The following SLC2A10 variants were observed in gnomAD, a reference collection of about 807,000 sequenced individuals.
SLC2A10 encodes solute carrier family 2 member 10.
Under a neutral mutation model 32.1 loss-of-function variants are expected in SLC2A10, and 25 were observed. The observed-to-expected ratio is 0.78, with a 90% CI of 0.57 to 1.09. The LOEUF (loss-of-function observed/expected upper bound fraction) is 1.09, where lower values mean the gene tolerates loss of function less well. Among genes scored for constraint, SLC2A10 ranks in the 50% least tolerant of loss-of-function variants. The pLI is 0.00. For missense variants in SLC2A10, 673 were observed against 686.5 expected, an observed-to-expected ratio of 0.98 and a Z score of 0.22; for synonymous variants, 332 against 309.6, an observed-to-expected ratio of 1.07 and a Z score of -0.76.
chr20:46,722,132 T>TA (rs3091944), intron 1 of SLC2A10, among the ~76,000 whole-genome samples: 48 of 150,340 alleles, frequency 3.2e-4, no homozygotes, highest in Non-Finnish European at 4.3e-4. Context: ...GGTTTCTCTT[T>TA]AAAAAAAAAA....
chr20:46,729,593 C>A, intron 4 of SLC2A10, 105 bp downstream of exon 4: 2 of 1,136,766 alleles, frequency 1.8e-6, no homozygotes, highest in African/African-American at 1.6e-5. Context: ...GCGGGCATTC[C>A]TCCTGTCTTC....
chr20:46,726,239 C>G lies in SLC2A10; in HGVS notation c.1203C>G (p.Pro401=), dbSNP rs368021257. The change falls in exon 2 of 5, where the codon CCC becomes CCG. Residue 401 remains proline (P), a synonymous_variant. Coordinates refer to ENST00000359271, the MANE Select transcript of SLC2A10 (RefSeq NM_030777.4). ...CTGCCCTCCCTGGGCCCCCTCTGCC[C>G]GCTCGGGGGCATGCACTGCTGCGCT... ...LSSALPGPPL[P]ARGHALLRWT... 1 of 1,613,756 alleles carries G rather than the reference C, an allele frequency of 6.2e-7. No individual in the cohort carries two copies. The highest frequency in any genetic ancestry group is 1.7e-5 in the Admixed American group (1 of 60,032).
intron 4 of SLC2A10, 81 bp downstream of exon 4, chr20:46,729,569 C>A (rs2123062912): frequency 1.3e-6 from 2 of 1,514,784 alleles, no homozygotes; most frequent in Non-Finnish European, 9.0e-7. Context: ...AGTCTTTGTG[C>A]TTTCCTTTTG....
chr20:46,731,129 G>C (rs558211978), intron 4 of SLC2A10, among the ~76,000 whole-genome samples: 33 of 152,296 alleles, frequency 2.2e-4, no homozygotes, highest in Admixed American at 1.9e-3. Flanking sequence ...TCCAAATGTC[G>C]GTTGGGGGTC....
At chr20:46,728,671 G>A (rs532729346) in intron 3 of SLC2A10, among the ~76,000 whole-genome samples, 1 of 147,392 alleles carries the variant, frequency 6.8e-6, no homozygotes, top group African/African-American at 2.5e-5. Flanking sequence ...AGGGTGGAGT[G>A]CAGTGGCATG....
Position 46,725,598 on chromosome 20 carries a change from G to A in SLC2A10, c.562G>A (p.Gly188Ser). 1 of 1,614,178 alleles carries A rather than the reference G, an allele frequency of 6.2e-7. No individual in the cohort carries two copies. Among genetic ancestry groups the A allele is most frequent in the Non-Finnish European group, 8.5e-7 (1 of 1,180,022 alleles). Residue 188 changes from glycine to serine, a missense_variant, in exon 2 of 5, where the codon GGT becomes AGT. Transcript: ENST00000359271. ...CCTCAGCCTCCTCTTCCTCCCTGCT[G>A]GTACAGATGAGACTGCAACACACAA... is the stretch of plus-strand genomic sequence containing the variant. ...QSLSLLFLPA[G>S]TDETATHKDL...
rs1457956300 is a variant in SLC2A10 at position 46,729,378 on chromosome 20, C to T, written c.1437C>T (p.Phe479=). Residue 479 remains phenylalanine (F), a synonymous_variant, in exon 4 of 5, where the codon TTC becomes TTT. Coordinates refer to ENST00000359271, the MANE Select transcript of SLC2A10 (RefSeq NM_030777.4). ...LIGTIGLSWT[F]LLYGLTAVLG... The stretch of plus-strand genomic sequence containing the variant: ...GCACCATCGGCTTGTCCTGGACCTT[C>T]CTGCTCTACGGACTGACCGCTGTCC... 1.2e-6 allele frequency: 2 copies of T among 1,613,808 alleles called. No homozygotes were observed. Among genetic ancestry groups the T allele is most frequent in the Non-Finnish European group, 1.7e-6 (2 of 1,180,022 alleles).
In SLC2A10 at chr20:46,721,913, G is replaced by T. The variant is rs569769966; in HGVS notation, c.5-3128G>T. ...GAAGGGGCTCTTCCTCAAAGGAAAA[G>T]ATTCCAGGCAGACAGAAGAAGTAAC... On this transcript the variant is annotated intron_variant, in intron 1 of 4. Coordinates refer to ENST00000359271, the MANE Select transcript of SLC2A10 (RefSeq NM_030777.4). 3.3e-5 allele frequency among the ~76,000 whole-genome samples: 5 copies of T among 152,320 alleles called. No individual in the cohort carries two copies. The East Asian group carries it at 9.6e-4, about 29-fold the overall frequency.
intron 1 of SLC2A10, among the ~76,000 whole-genome samples, chr20:46,720,605 G>A (rs1035816713): frequency 3.3e-5 from 5 of 152,080 alleles, no homozygotes; most frequent in African/African-American, 1.2e-4. Context: ...TGTGCAGTTT[G>A]GTATTTCCTA....
chr20:46,725,445 T>G lies in SLC2A10; in HGVS notation c.409T>G (p.Ser137Ala). ...GCCACGGCAGCGGGGAGTGCTGGTGTCCCTCTATGAGGCAGGCATCACCGT... is the reference window on the plus strand; with the variant it reads ...GCCACGGCAGCGGGGAGTGCTGGTGGCCCTCTATGAGGCAGGCATCACCGT... ...VGPRQRGVLV[S>A]LYEAGITVGI... is the part of the protein sequence containing the mutation. Residue 137 changes from serine to alanine, a missense_variant, in exon 2 of 5, where the codon TCC becomes GCC. Transcript: ENST00000359271. The G allele has an allele frequency of 3.7e-6, 6 of 1,614,120 alleles. No individual in the cohort carries two copies. The highest frequency in any genetic ancestry group is 5.1e-6 in the Non-Finnish European group (6 of 1,180,014).
In SLC2A10 at chr20:46,736,135, GATAAAGAATATTTACA is replaced by G. The variant is rs146488401; in HGVS notation, c.*2325_*2340del. ...AATCAATTGTCTATATGGAATTTAG[GATAAAGAATATTTACA>G]ATAAAGAATATTTACAATAAAGAGT... is the stretch of plus-strand genomic sequence containing the variant. On this transcript the variant is annotated 3_prime_UTR_variant, in exon 5 of 5. Coordinates refer to ENST00000359271, the MANE Select transcript of SLC2A10 (RefSeq NM_030777.4). 5.6e-3 allele frequency: 853 copies of G among 152,078 alleles called. 7 individuals carry two copies. The highest frequency in any genetic ancestry group is 0.019 in the African/African-American group (801 of 41,464). The allele number at this position is 152,078 out of a possible 1,614,324, so 9.4% of individuals were successfully genotyped here. A position where few individuals can be genotyped will look rare whatever the true frequency, so the allele number is the denominator to read the frequency against.
intron 3 of SLC2A10, among the ~76,000 whole-genome samples, chr20:46,728,000 A>G (rs1347813814): frequency 6.6e-6 from 1 of 152,082 alleles, no homozygotes; most frequent in Non-Finnish European, 1.5e-5. Flanking sequence ...TAGGGAATCC[A>G]AGCTTCTCCC....
chr20:46,733,950 C>T lies in SLC2A10; in HGVS notation c.*116C>T, dbSNP rs377528530. 62 of 956,376 alleles carry T rather than the reference C, an allele frequency of 6.5e-5. No homozygotes were observed. Among genetic ancestry groups the T allele is most frequent in the East Asian group, 3.6e-4 (14 of 38,496 alleles). 59.2% of individuals were successfully genotyped at this position (956,376 alleles called of 1,614,324 possible). Reference sequence around the variant, plus strand: ...CTGGTCTTTTGGGAGTGGCCCCTGCCCCCAAAGGTGGTCTGCTTTTGCTGG... The same window carrying T: ...CTGGTCTTTTGGGAGTGGCCCCTGCTCCCAAAGGTGGTCTGCTTTTGCTGG... On this transcript the variant is annotated 3_prime_UTR_variant, in exon 5 of 5. Transcript: ENST00000359271.
chr20:46,729,540 C>G, intron 4 of SLC2A10, 52 bp downstream of exon 4: 1 of 1,605,554 alleles, frequency 6.2e-7, no homozygotes, highest in Non-Finnish European at 8.5e-7. Flanking sequence ...ACACCCCAAG[C>G]ACACAGCTTC....
chr20:46,721,513 T>C (rs2123030327), intron 1 of SLC2A10, among the ~76,000 whole-genome samples: 1 of 151,618 alleles, frequency 6.6e-6, no homozygotes, highest in Non-Finnish European at 1.5e-5. Flanking sequence ...CTCAGTGTAC[T>C]AATTGGGAGC....
rs1454485159 is a variant in SLC2A10, at chr20:46,735,347, T to C, written c.*1513T>C. The C allele has an allele frequency of 6.6e-6, 1 of 152,646 alleles. No individual in the cohort carries two copies. Among genetic ancestry groups the C allele is most frequent in the East Asian group, 1.9e-4 (1 of 5,202 alleles). 9.5% of individuals were successfully genotyped at this position (152,646 alleles called of 1,614,324 possible). A position where few individuals can be genotyped will look rare whatever the true frequency, so the allele number is the denominator to read the frequency against. ...TGTGCTGGAGCTGGCTTTGCCAAGC[T>C]TGTGAGAGCTGGTTGCTACATTTTC... is the stretch of plus-strand genomic sequence containing the variant. On this transcript the variant is annotated 3_prime_UTR_variant, in exon 5 of 5. Transcript: ENST00000359271.
Position 46,709,750 on chromosome 20 carries a change from G to T in SLC2A10, c.4+10G>T. The T allele has an allele frequency of 6.5e-7, 1 of 1,547,600 alleles. No homozygotes were observed. The highest frequency in any genetic ancestry group is 8.7e-7 in the Non-Finnish European group (1 of 1,146,244). ...GTCCCGCTCGCCATGGGTAAGTCCC[G>T]ATCGGGCGCTGCCTGCTGGAAGCCC... On this transcript the variant is annotated intron_variant, in intron 1 of 4. Coordinates refer to ENST00000359271, the MANE Select transcript of SLC2A10 (RefSeq NM_030777.4).
At chr20:46,732,634 A>T (rs1980355835) in intron 4 of SLC2A10, among the ~76,000 whole-genome samples, 1 of 152,150 alleles carries the variant, frequency 6.6e-6, no homozygotes. Flanking sequence ...TTGTGTTACA[A>T]GTGTATCAGG....
chr20:46,721,926 CAGA>C (rs1414475715), intron 1 of SLC2A10, among the ~76,000 whole-genome samples: 2 of 152,150 alleles, frequency 1.3e-5, no homozygotes, highest in African/African-American at 4.8e-5. Context: ...TCCAGGCAGA[CAGA>C]AGAAGTAACA....
Sources: gnomAD v4.1 joint callset for allele counts (sites outside exome capture counted in the v4.1 genomes callset) on GRCh38, gnomAD v4.1.1 for gene constraint, MANE v1.5 for transcripts, NCBI Gene and HGNC (gene_info 2026-07-23, HGNC 2026-07-21) for gene names.